METTL15: variants seen among roughly 807,000 people sequenced by gnomAD.
METTL15 encodes the protein methyltransferase 15, mitochondrial 12S rRNA N4-cytidine, also known as 12S rRNA N(4)-cytidine methyltransferase METTL15.
A neutral mutation model predicts 38.3 loss-of-function variants in METTL15; 34 were observed. The observed-to-expected ratio is 0.89, with a 90% confidence interval of 0.68 to 1.18. METTL15 has a LOEUF of 1.18. METTL15 is among the 50% of genes most tolerant of loss of function. The probability of loss-of-function intolerance (pLI) is 0.00; values close to 1 mark genes in which losing one functional copy is unlikely to be tolerated. For missense variants in METTL15, 438 were observed against 498.4 expected (o/e 0.88, Z 1.15); for synonymous variants, 162 against 170.9 (o/e 0.95, Z 0.41).
chr11:28,390,338 C>T (rs1850489799), intron 5 of METTL15, among the ~76,000 whole-genome samples: 1 of 151,300 alleles, frequency 6.6e-6, no homozygotes, highest in Non-Finnish European at 1.5e-5. Flanking sequence ...CCTAGGTTTT[C>T]TTCTAGGGTT....
At chr11:28,466,561 C>T (rs769950686) in intron 6 of METTL15, among the ~76,000 whole-genome samples, 3 of 152,130 alleles carry the variant, frequency 2.0e-5, no homozygotes, top group Non-Finnish European at 2.9e-5. Context: ...AGGCTTGTCT[C>T]CAGTAACTAT....
At chr11:28,476,521 C>T (rs891892172) in intron 6 of METTL15, among the ~76,000 whole-genome samples, 6 of 152,162 alleles carry the variant, frequency 3.9e-5, no homozygotes, top group African/African-American at 1.2e-4. Context: ...GTCTGAATTA[C>T]GTACTGAGAG....
At chr11:28,426,787 AT>A (rs907107303) in intron 6 of METTL15, among the ~76,000 whole-genome samples, 19 of 140,822 alleles carry the variant, frequency 1.3e-4, no homozygotes, top group South Asian at 4.5e-4. Flanking sequence ...GGTGTTGTTT[AT>A]TTTTTTTTTC....
intron 4 of METTL15, among the ~76,000 whole-genome samples, chr11:28,285,564 G>C (rs1856225494): frequency 6.6e-6 from 1 of 152,028 alleles, no homozygotes; most frequent in African/African-American, 2.4e-5. Flanking sequence ...ACCCATCAAA[G>C]TGTTTTAAGT....
At chr11:28,116,454 C>A (rs1044945481) in intron 3 of METTL15, among the ~76,000 whole-genome samples, 7 of 152,152 alleles carry the variant, frequency 4.6e-5, no homozygotes, top group Non-Finnish European at 1.0e-4. Flanking sequence ...CAACATACTG[C>A]TTAGTGGTTA....
chr11:28,360,469 G>A (rs1850127271), intron 4 of METTL15, among the ~76,000 whole-genome samples: 1 of 152,188 alleles, frequency 6.6e-6, no homozygotes, highest in Non-Finnish European at 1.5e-5. Context: ...AAGGATCTAT[G>A]AGATAGTCAC....
At chr11:28,273,597 G>A (rs1449175066) in intron 4 of METTL15, among the ~76,000 whole-genome samples, 1 of 151,796 alleles carries the variant, frequency 6.6e-6, no homozygotes, top group Non-Finnish European at 1.5e-5. Flanking sequence ...TATATTGAGT[G>A]GCTGAAAATA....
rs199894227 is a variant in METTL15 at position 28,211,161 on chromosome 11, G to C, written c.370G>C (p.Ala124Pro). The C allele has an allele frequency of 1.2e-4, 191 of 1,611,786 alleles. No homozygotes were observed. The highest frequency in any genetic ancestry group is 2.9e-4 in the South Asian group (26 of 90,654). ...CTATGCCTTGGACAGAGACCCAACA[G>C]CTTATGCATTAGCTGAACATCTTTC... ...VLYALDRDPT[A>P]YALAEHLSEL... Residue 124 changes from alanine to proline, a missense_variant, in exon 4 of 7, where the codon GCT becomes CCT. Transcript: ENST00000407364.
chr11:28,216,771 C>T (rs1852898779), intron 4 of METTL15, among the ~76,000 whole-genome samples: 1 of 136,626 alleles, frequency 7.3e-6, no homozygotes, highest in Non-Finnish European at 1.5e-5. Flanking sequence ...TCCAAGTGTT[C>T]TCATTGTTCA....
chr11:28,389,713 G>A (rs964960403), intron 5 of METTL15, among the ~76,000 whole-genome samples: 1 of 151,726 alleles, frequency 6.6e-6, no homozygotes, highest in Non-Finnish European at 1.5e-5. Context: ...TGTCTTTATA[G>A]CAGCATGATT....
chr11:28,197,776 C>T (rs1420254277), intron 3 of METTL15, among the ~76,000 whole-genome samples: 1 of 152,056 alleles, frequency 6.6e-6, no homozygotes, highest in Non-Finnish European at 1.5e-5. Context: ...ATGTATTGAT[C>T]TGCTTTGATT....
intron 3 of METTL15, among the ~76,000 whole-genome samples, chr11:28,152,261 G>A (rs1310492017): frequency 1.3e-5 from 2 of 151,572 alleles, no homozygotes; most frequent in South Asian, 2.1e-4. Flanking sequence ...ATTAACTGCA[G>A]CACACTGCTA....
intron 3 of METTL15, among the ~76,000 whole-genome samples, chr11:28,169,732 T>C (rs1429730867): frequency 6.6e-6 from 1 of 152,196 alleles, no homozygotes; most frequent in East Asian, 1.9e-4. Context: ...TATGGCTATG[T>C]GAATAATATA....
intron 4 of METTL15, among the ~76,000 whole-genome samples, chr11:28,224,911 C>T (rs1202025959): frequency 6.6e-6 from 1 of 151,148 alleles, no homozygotes; most frequent in Admixed American, 6.6e-5. Flanking sequence ...TTGATTTTGC[C>T]TCTTCACTAT....
At chr11:28,393,318 A>T (rs969217745) in intron 5 of METTL15, among the ~76,000 whole-genome samples, 7 of 152,192 alleles carry the variant, frequency 4.6e-5, no homozygotes, top group Non-Finnish European at 1.0e-4. Context: ...AATGTGGTAT[A>T]TACATACAAT....
intron 3 of METTL15, among the ~76,000 whole-genome samples, chr11:28,135,510 G>A (rs376780724): frequency 5.9e-5 from 9 of 152,316 alleles, no homozygotes; most frequent in African/African-American, 1.9e-4. Context: ...GGACTGTGTA[G>A]ACAAGGTATG....
intron 6 of METTL15, among the ~76,000 whole-genome samples, chr11:28,489,623 A>G (rs1851477256): frequency 6.6e-6 from 1 of 152,100 alleles, no homozygotes; most frequent in African/African-American, 2.4e-5. Flanking sequence ...AGAGAGAGAG[A>G]GAGAGATCAT....
chr11:28,117,259 G>GTGTATA (rs1353342377), intron 3 of METTL15, among the ~76,000 whole-genome samples: 2 of 108,590 alleles, frequency 1.8e-5, no homozygotes, highest in African/African-American at 7.1e-5. Context: ...GTGTGTGTGT[G>GTGTATA]TATATATATA....
chr11:28,189,386 T>C (rs1383686669), intron 3 of METTL15, among the ~76,000 whole-genome samples: 1 of 151,294 alleles, frequency 6.6e-6, no homozygotes, highest in East Asian at 1.9e-4. Flanking sequence ...TAGATAAATA[T>C]AGGATTATGT....
Sources: gnomAD v4.1 joint callset for allele counts (sites outside exome capture counted in the v4.1 genomes callset) on GRCh38, gnomAD v4.1.1 for gene constraint, MANE v1.5 for transcripts, NCBI Gene and HGNC (gene_info 2026-07-23, HGNC 2026-07-21) for gene names.